SLX4IP: variants seen among roughly 807,000 people sequenced by gnomAD.
SLX4IP encodes the protein protein SLX4IP.
Under a neutral mutation model 32.9 loss-of-function variants are expected in SLX4IP, and 34 were observed. That is an observed-to-expected ratio of 1.03 (90% confidence interval 0.79 to 1.38). SLX4IP has a LOEUF of 1.38. Ranked by LOEUF, SLX4IP falls within the 40% of genes most tolerant of loss-of-function variation. SLX4IP has a pLI of 0.00. For synonymous variants in SLX4IP, 172 were observed against 171.7 expected, an observed-to-expected ratio of 1.00 and a Z score of -0.01; for missense variants, 444 against 479.0, an observed-to-expected ratio of 0.93 and a Z score of 0.68.
chr20:10,571,691 C>G (rs1005562632), intron 4 of SLX4IP, among the ~76,000 whole-genome samples: 1 of 152,158 alleles, frequency 6.6e-6, no homozygotes, highest in Non-Finnish European at 1.5e-5. Flanking sequence ...GAGTCTTGTC[C>G]TGTTCAGCAC....
chr20:10,448,523 T>C (rs2065218981), intron 1 of SLX4IP, among the ~76,000 whole-genome samples: 1 of 152,230 alleles, frequency 6.6e-6, no homozygotes, highest in African/African-American at 2.4e-5. Context: ...CTCAAAGCCT[T>C]CGCACACTGA....
intron 6 of SLX4IP, among the ~76,000 whole-genome samples, chr20:10,616,762 A>G (rs2067038448): frequency 6.6e-6 from 1 of 152,114 alleles, no homozygotes; most frequent in African/African-American, 2.4e-5. Flanking sequence ...TGACCACCAT[A>G]TCTAACATAG....
intron 4 of SLX4IP, among the ~76,000 whole-genome samples, chr20:10,592,549 C>CTTTCTGAGTG (rs1157574256): frequency 6.7e-6 from 1 of 148,732 alleles, no homozygotes; most frequent in East Asian, 2.0e-4. Context: ...CTGAGTGACA[C>CTTTCTGAGTG]AGTTTGGGAT....
intron 1 of SLX4IP, among the ~76,000 whole-genome samples, chr20:10,445,379 G>A (rs376769962): frequency 3.5e-5 from 5 of 141,074 alleles, no homozygotes; most frequent in South Asian, 4.6e-4. Flanking sequence ...GCAATGGCGC[G>A]ATCTTGGCTC....
At chr20:10,471,468 T>C (rs1040897579) in intron 2 of SLX4IP, among the ~76,000 whole-genome samples, 3 of 152,214 alleles carry the variant, frequency 2.0e-5, no homozygotes, top group African/African-American at 7.2e-5. Flanking sequence ...CCCAGTAATT[T>C]TTTTCAGACA....
chr20:10,579,318 A>C (rs539508350), intron 4 of SLX4IP, among the ~76,000 whole-genome samples: 1 of 152,172 alleles, frequency 6.6e-6, no homozygotes, highest in East Asian at 1.9e-4. Context: ...TGAAAAGACT[A>C]TTCTATCCTC....
chr20:10,548,163 A>G (rs1044262722), intron 2 of SLX4IP, among the ~76,000 whole-genome samples: 1 of 152,188 alleles, frequency 6.6e-6, no homozygotes, highest in African/African-American at 2.4e-5. Context: ...CTGGGGCATT[A>G]TTAGAAGAGA....
intron 3 of SLX4IP, among the ~76,000 whole-genome samples, chr20:10,560,187 T>G (rs997091275): frequency 2.0e-5 from 3 of 152,246 alleles, no homozygotes; most frequent in African/African-American, 7.2e-5. Context: ...GGCTGTGGTG[T>G]GGGTTCCCCA....
At chr20:10,563,495 A>G (rs1456344282) in intron 4 of SLX4IP, among the ~76,000 whole-genome samples, 1 of 152,176 alleles carries the variant, frequency 6.6e-6, no homozygotes, top group Non-Finnish European at 1.5e-5. Flanking sequence ...AATGTCTTGA[A>G]GAGTTTCCTC....
At chr20:10,597,033 A>G (rs957256804) in intron 4 of SLX4IP, among the ~76,000 whole-genome samples, 3 of 152,226 alleles carry the variant, frequency 2.0e-5, no homozygotes, top group Admixed American at 2.0e-4. Context: ...GACTAAAGCA[A>G]TTGTTCTGTC....
chr20:10,523,281 G>T (rs563632181), intron 2 of SLX4IP, among the ~76,000 whole-genome samples: 1 of 152,156 alleles, frequency 6.6e-6, no homozygotes, highest in Admixed American at 6.5e-5. Context: ...CCTGGTGGAA[G>T]TTTATATGAA....
intron 2 of SLX4IP, among the ~76,000 whole-genome samples, chr20:10,495,379 A>G (rs1174247209): frequency 2.0e-5 from 3 of 152,168 alleles, no homozygotes; most frequent in Admixed American, 6.6e-5. Flanking sequence ...TGTGATAACC[A>G]TTGTTGGAAA....
At chr20:10,534,272 C>T (rs1348212267) in intron 2 of SLX4IP, among the ~76,000 whole-genome samples, 1 of 152,152 alleles carries the variant, frequency 6.6e-6, no homozygotes, top group East Asian at 1.9e-4. Context: ...TTCCCTGCCT[C>T]CTTCCTTTCT....
chr20:10,468,904 T>C (rs190201192), intron 2 of SLX4IP, among the ~76,000 whole-genome samples: 70 of 152,300 alleles, frequency 4.6e-4, no homozygotes, highest in Admixed American at 7.8e-4. Flanking sequence ...CCTATGCTTC[T>C]TTCATATCTG....
intron 1 of SLX4IP, among the ~76,000 whole-genome samples, chr20:10,451,383 A>G (rs1013142560): frequency 2.0e-5 from 3 of 151,854 alleles, no homozygotes; most frequent in African/African-American, 4.8e-5. Flanking sequence ...CTGGTCTCGA[A>G]CTTTGACCCC....
chr20:10,525,568 A>G (rs1313322232), intron 2 of SLX4IP, among the ~76,000 whole-genome samples: 1 of 152,164 alleles, frequency 6.6e-6, no homozygotes, highest in Non-Finnish European at 1.5e-5. Context: ...TTTTTCCTGG[A>G]ATTTAGAGTT....
At chr20:10,481,632 C>G (rs1197795041) in intron 2 of SLX4IP, among the ~76,000 whole-genome samples, 2 of 152,124 alleles carry the variant, frequency 1.3e-5, no homozygotes, top group African/African-American at 4.8e-5. Context: ...GACTTTGATT[C>G]TCAATTTATT....
intron 2 of SLX4IP, among the ~76,000 whole-genome samples, chr20:10,471,062 T>C (rs2065420552): frequency 6.6e-6 from 1 of 152,212 alleles, no homozygotes; most frequent in Non-Finnish European, 1.5e-5. Context: ...GATATCAAAT[T>C]AATATAAAAG....
At position 10,623,118 on chromosome 20, in the gene SLX4IP, A is replaced by C. The variant is rs766883293; in HGVS notation, c.966A>C (p.Glu322Asp). 1.1e-5 allele frequency: 17 copies of C among 1,614,036 alleles called. No homozygotes were observed. The East Asian group carries it at 3.8e-4, about 36-fold the overall frequency. Residue 322 changes from glutamate (E) to aspartate (D), a missense_variant, in exon 8 of 8, where the codon GAA (glutamate) becomes GAC (aspartate). By Grantham distance (45) the Glu-to-Asp change is conservative. Coordinates refer to ENST00000334534, the MANE Select transcript of SLX4IP (RefSeq NM_001009608.3). Reference sequence around the variant, plus strand: ...GAAGTGATCGATTAGTCCCGAGAGAAATAATAGTGGAAAAAAGCAAAGCTG... The same window carrying C: ...GAAGTGATCGATTAGTCCCGAGAGACATAATAGTGGAAAAAAGCAAAGCTG... The part of the protein sequence containing the change: ...SLGSDRLVPR[E>D]IIVEKSKAVR...
Sources: gnomAD v4.1 joint callset for allele counts (sites outside exome capture counted in the v4.1 genomes callset) on GRCh38, gnomAD v4.1.1 for gene constraint, MANE v1.5 for transcripts, NCBI Gene and HGNC (gene_info 2026-07-23, HGNC 2026-07-21) for gene names.